The following CRYM variants were observed in gnomAD, a reference collection of about 807,000 sequenced individuals.
CRYM encodes ketimine reductase mu-crystallin.
Under a neutral mutation model 32.9 loss-of-function variants are expected in CRYM, and 18 were observed. The ratio of observed to expected loss-of-function variants is 0.55; its 90% confidence interval spans 0.38 to 0.81. CRYM has a LOEUF of 0.81. Among genes scored for constraint, CRYM ranks in the 30% least tolerant of loss-of-function variants. The pLI is 0.00. For synonymous variants in CRYM, 153 were observed against 152.4 expected, an observed-to-expected ratio of 1.00 and a Z score of -0.03; for missense variants, 337 against 393.5, an observed-to-expected ratio of 0.86 and a Z score of 1.21.
At chr16:21,263,886 C>T (rs1017331446) in intron 5 of CRYM, among the ~76,000 whole-genome samples, 13 of 152,232 alleles carry the variant, frequency 8.5e-5, no homozygotes, top group Admixed American at 1.3e-4. Flanking sequence ...ATCATTACCA[C>T]GTGTGAATGT....
chr16:21,293,683 A>G (rs1174104938), intron 1 of CRYM, among the ~76,000 whole-genome samples: 1 of 152,348 alleles, frequency 6.6e-6, no homozygotes, highest in Middle Eastern at 3.4e-3. Context: ...CTTCATACAG[A>G]TATTAGCAAG....
intron 1 of CRYM, among the ~76,000 whole-genome samples, chr16:21,290,285 C>T (rs375154287): frequency 4.6e-5 from 7 of 152,292 alleles, no homozygotes; most frequent in African/African-American, 1.4e-4. Context: ...GGCTTCATTC[C>T]TTAAGTCAGT....
At chr16:21,301,943 T>G (rs1364293564) in intron 1 of CRYM, among the ~76,000 whole-genome samples, 2 of 152,178 alleles carry the variant, frequency 1.3e-5, no homozygotes, top group Non-Finnish European at 2.9e-5. Context: ...CCCCTGCGCT[T>G]GCAGCTGCTC....
intron 1 of CRYM, chr16:21,283,527 G>T (rs967396693): frequency 3.9e-5 from 6 of 151,938 alleles, no homozygotes; most frequent in African/African-American, 1.5e-4. Context: ...TGCAGCCAAG[G>T]CGCGTGTCTC....
intron 1 of CRYM, among the ~76,000 whole-genome samples, chr16:21,284,547 ATTTCTTTCT>A (rs1325924998): frequency 1.3e-5 from 2 of 151,734 alleles, no homozygotes; most frequent in Admixed American, 6.6e-5. Context: ...GGTTCTAGAC[ATTTCTTTCT>A]TTCTTTCTTT....
chr16:21,262,973 T>C (rs1380961972), intron 5 of CRYM, among the ~76,000 whole-genome samples: 4 of 152,212 alleles, frequency 2.6e-5, no homozygotes, highest in African/African-American at 9.6e-5. Flanking sequence ...TTGGTGCTTA[T>C]TCACACCTCA....
In CRYM at chr16:21,278,104, C is replaced by T; in HGVS notation, c.148G>A (p.Val50Met). The T allele has an allele frequency of 6.5e-7, 1 of 1,547,608 alleles. No homozygotes were observed. Among genetic ancestry groups the T allele is most frequent in the South Asian group, 1.2e-5 (1 of 84,020 alleles). ...GGVMQPVRTV[V>M]PVTKHRGYLG... Reference sequence around the variant, plus strand: ...CACCCCCTGTGCTTGGTCACCGGCACCACGGTGCGCACGGGCTGCATGACC... The same window carrying T: ...CACCCCCTGTGCTTGGTCACCGGCATCACGGTGCGCACGGGCTGCATGACC... Residue 50 changes from valine (V) to methionine (M), a missense_variant, in exon 1 of 8, where the codon GTG becomes ATG. By Grantham distance (21) the Val-to-Met change is conservative. Coordinates refer to ENST00000572914, the MANE Select transcript of CRYM (RefSeq NM_001376256.1).
intron 1 of CRYM, among the ~76,000 whole-genome samples, chr16:21,291,131 C>T (rs1023323687): frequency 6.6e-6 from 1 of 151,360 alleles, no homozygotes; most frequent in African/African-American, 2.4e-5. Flanking sequence ...TATCCTGGGA[C>T]AGTTCATTTC....
At chr16:21,296,198 A>G (rs1176713347) in intron 1 of CRYM, among the ~76,000 whole-genome samples, 1 of 152,234 alleles carries the variant, frequency 6.6e-6, no homozygotes, top group East Asian at 1.9e-4. Flanking sequence ...TTGGCCTCCC[A>G]AAGTGTTGGG....
At chr16:21,287,916 T>C (rs1597626821) in intron 1 of CRYM, among the ~76,000 whole-genome samples, 1 of 152,238 alleles carries the variant, frequency 6.6e-6, no homozygotes, top group East Asian at 1.9e-4. Flanking sequence ...CTAACATTTG[T>C]AGTTATCCAG....
chr16:21,266,679 T>C (rs1316115926), intron 5 of CRYM, among the ~76,000 whole-genome samples: 2 of 152,212 alleles, frequency 1.3e-5, no homozygotes, highest in Non-Finnish European at 2.9e-5. Flanking sequence ...ATTTTAGAAT[T>C]GAGCTGTGAA....
intron 3 of CRYM, among the ~76,000 whole-genome samples, chr16:21,270,437 C>T (rs1199069577): frequency 6.6e-6 from 1 of 152,098 alleles, no homozygotes; most frequent in African/African-American, 2.4e-5. Flanking sequence ...GTGTGCGCCA[C>T]AACACCCAGC....
chr16:21,281,670 G>A (rs1034888692), upstream of CRYM, among the ~76,000 whole-genome samples: 5 of 152,168 alleles, frequency 3.3e-5, no homozygotes, highest in African/African-American at 4.8e-5. Flanking sequence ...TAAGACTACC[G>A]ACTATAGGAT....
intron 7 of CRYM, 80 bp from the exon 8 acceptor site, chr16:21,258,925 TC>T (rs2093349319): frequency 2.7e-6 from 3 of 1,122,820 alleles, no homozygotes; most frequent in Non-Finnish European, 4.1e-6. Context: ...GCTGGAAGTT[TC>T]CTGATACATG....
Position 21,277,736 on chromosome 16 carries a change from AT to A in CRYM, c.171-153del, listed in dbSNP as rs2093389883. 2 of 872,010 alleles carry A rather than the reference AT, an allele frequency of 2.3e-6. No homozygotes were observed. The highest frequency in any genetic ancestry group is 4.3e-5 in the Admixed American group (2 of 46,050). 54.0% of individuals were successfully genotyped at this position (872,010 alleles called of 1,614,324 possible). On this transcript the variant is annotated intron_variant, in intron 1 of 7. Transcript: ENST00000572914. The surrounding 1 kb of genome is among the most constrained non-coding windows in gnomAD (Gnocchi z 4.2). ...TCCCTCTGCCCTTCCCTTAGACACT[AT>A]GCACAGTATGTTCAGAAGTCTGGCT...
At chr16:21,278,388 C>T, upstream of CRYM, 1 of 1,041,194 alleles carries the variant, frequency 9.6e-7, no homozygotes, top group Non-Finnish European at 1.4e-6. Context: ...GGAGCAACCC[C>T]GCCCCGCCCC....
chr16:21,281,179 C>T (rs139096084), upstream of CRYM, among the ~76,000 whole-genome samples: 123 of 149,100 alleles, frequency 8.2e-4, 2 homozygotes, highest in Admixed American at 7.9e-3. Context: ...TACATATATA[C>T]GTATCTATGT....
At chr16:21,272,635 A>G (rs1275268252) in intron 3 of CRYM, among the ~76,000 whole-genome samples, 1 of 146,816 alleles carries the variant, frequency 6.8e-6, no homozygotes, top group Non-Finnish European at 1.5e-5. Flanking sequence ...TTGTAGTTTC[A>G]TATTTATTGG....
At chr16:21,270,507 C>T (rs764128751) in intron 3 of CRYM, among the ~76,000 whole-genome samples, 4 of 152,160 alleles carry the variant, frequency 2.6e-5, no homozygotes, top group Non-Finnish European at 1.5e-5. Context: ...TGGTCTCAAA[C>T]TCCTGACCTC....
Sources: allele counts gnomAD v4.1 joint callset (sites outside exome capture counted in the v4.1 genomes callset), GRCh38; gene constraint gnomAD v4.1.1; non-coding constraint Gnocchi (gnomAD v3.1); transcripts MANE v1.5; gene names NCBI Gene and HGNC (gene_info 2026-07-23, HGNC 2026-07-21).